Variants in ARHGAP9 observed in about 807,000 individuals in gnomAD.
ARHGAP9 encodes rho GTPase-activating protein 9.
ARHGAP9 carries 76 observed loss-of-function variants against 87.3 expected under a neutral mutation model. The ratio of observed to expected loss-of-function variants is 0.87; its 90% CI spans 0.72 to 1.05. The LOEUF is 1.05. Ranked by LOEUF, ARHGAP9 falls within the 50% of genes least tolerant of loss-of-function variation. The pLI, the probability that ARHGAP9 is intolerant of heterozygous loss-of-function variation, is 0.00. For synonymous variants in ARHGAP9, 382 were observed against 394.9 expected (o/e 0.97, Z 0.39); for missense variants, 941 against 960.5 (o/e 0.98, Z 0.27).
intron 9 of ARHGAP9, 58 bp downstream of exon 9, chr12:57,476,013 A>G: frequency 1.3e-6 from 2 of 1,510,118 alleles, no homozygotes; most frequent in South Asian, 1.3e-5. Context: ...CCTGCGCGGG[A>G]GATTGGGGGC....
intron 2 of ARHGAP9, 44 bp downstream of exon 2, chr12:57,479,047 T>C (rs1039200336): frequency 3.8e-6 from 6 of 1,588,320 alleles, no homozygotes; most frequent in Non-Finnish European, 5.2e-6. Flanking sequence ...AGGAAGGTGA[T>C]GGGAGGTAGG....
At chr12:57,475,957 G>C (rs755942889) in intron 9 of ARHGAP9, 26 bp from the exon 10 acceptor site, 3 of 1,602,676 alleles carry the variant, frequency 1.9e-6, no homozygotes, top group African/African-American at 2.7e-5. Context: ...GGAAACGCTC[G>C]GGTCAACGGG....
At chr12:57,484,642 C>T (rs1875265804), upstream of ARHGAP9, among the ~76,000 whole-genome samples, 1 of 151,982 alleles carries the variant, frequency 6.6e-6, no homozygotes, top group South Asian at 2.1e-4. Context: ...AGACCTACCT[C>T]AGTTTGTTTG....
At position 57,476,328 on chromosome 12, in the gene ARHGAP9, G is replaced by C. The variant is rs375327804; in HGVS notation, c.1116+36C>G. ...ACATTGGCGTGAGGCGGTAGGCAGC[G>C]CCCGCACCCATCCTGCGCCTCTCGC... On this transcript the variant is annotated intron_variant, in intron 8 of 17. Transcript: ENST00000393791. 72 of 1,604,018 alleles carry C rather than the reference G, an allele frequency of 4.5e-5. No individual in the cohort carries two copies. The African/African-American group carries it at 7.5e-4, about 17-fold the overall frequency.
Position 57,475,939 on chromosome 12 carries a change from C to T in ARHGAP9, c.1213-8G>A, listed in dbSNP as rs1212213194. The stretch of plus-strand genomic sequence containing the variant: ...GCCAGGGATCGTGCGGATCTGAGGG[C>T]CAGGCAAGGAAACGCTCGGGTCAAC... On this transcript the variant is annotated splice_region_variant and splice_polypyrimidine_tract_variant and intron_variant, in intron 9 of 17. Coordinates refer to ENST00000393791, the MANE Select transcript of ARHGAP9 (RefSeq NM_032496.4). The T allele has an allele frequency of 2.5e-6, 4 of 1,610,582 alleles. No individual in the cohort carries two copies. In the Admixed American group the frequency reaches 6.7e-5, roughly 27 times the overall value.
chr12:57,482,236 C>T (rs993225990), upstream of ARHGAP9, among the ~76,000 whole-genome samples: 2 of 151,396 alleles, frequency 1.3e-5, no homozygotes, highest in African/African-American at 4.9e-5. Context: ...CCTGCCTCTA[C>T]AAAAAAAATT....
rs202095270 is a variant in ARHGAP9, at chr12:57,474,028, G to T, written c.1918+14C>A. On this transcript the variant is annotated intron_variant, in intron 16 of 17. Transcript: ENST00000393791. ...CCCCACATCAAGGGTTCTTTCCAAAGCTCCAACCCTTACCAAGGGCAGCAC... is the reference window on the plus strand; with the variant it reads ...CCCCACATCAAGGGTTCTTTCCAAATCTCCAACCCTTACCAAGGGCAGCAC... The T allele has an allele frequency of 2.5e-6, 4 of 1,611,786 alleles. No homozygotes were observed. The highest frequency in any genetic ancestry group is 2.5e-6 in the Non-Finnish European group (3 of 1,178,878).
At chr12:57,487,882 C>G (rs1875552895) in intron 1 of ARHGAP9, 4 of 487,648 alleles carry the variant, frequency 8.2e-6, no homozygotes, top group African/African-American at 4.2e-5. Context: ...AAAGTGCAGT[C>G]TAGCCCGCAT....
chr12:57,479,320 G>C lies in ARHGAP9; in HGVS notation c.87C>G (p.Ala29=). ...CCCCAGTATAAGTAAAGGCATAGAG[G>C]GCACAGAGCTGGGATCCCCGAGGAG... The part of the protein sequence containing the change: ...RSPPRGSQLC[A]LYAFTYTGAD... The change falls in exon 2 of 18, where the codon GCC becomes GCG. Residue 29 remains alanine, a synonymous_variant. Coordinates refer to ENST00000393791, the MANE Select transcript of ARHGAP9 (RefSeq NM_032496.4). The C allele has an allele frequency of 6.2e-7, 1 of 1,614,214 alleles. No homozygotes were observed. Among genetic ancestry groups the C allele is most frequent in the Non-Finnish European group, 8.5e-7 (1 of 1,180,040 alleles).
chr12:57,479,029 A>AGGAAGGTAGGAAGGTGAT (rs1874653282), intron 2 of ARHGAP9, 62 bp downstream of exon 2: 1 of 1,558,014 alleles, frequency 6.4e-7, no homozygotes. Flanking sequence ...CCCAGAAGCC[A>AGGAAGGTAGGAAGGTGAT]GGGAGGTAGG....
rs1217053793 is a variant in ARHGAP9, at chr12:57,475,843, A to G, written c.1301T>C (p.Ile434Thr). ...CTCCACCCATCTAACCAGCCGCTCGATGACAGTCCGCAGCGCGCGGTGCCA... is the reference window on the plus strand; with the variant it reads ...CTCCACCCATCTAACCAGCCGCTCGGTGACAGTCCGCAGCGCGCGGTGCCA... ...RAWHRALRTV[I>T]ERLDRENPLE... Residue 434 changes from isoleucine to threonine, a missense_variant, in exon 10 of 18, where the codon ATC becomes ACC. Physicochemically the swap from Ile to Thr is moderately conservative, Grantham distance 89 (BLOSUM62 -1). Coordinates refer to ENST00000393791, the MANE Select transcript of ARHGAP9 (RefSeq NM_032496.4). The G allele has an allele frequency of 1.2e-6, 2 of 1,613,512 alleles. No individual in the cohort carries two copies. Among genetic ancestry groups the G allele is most frequent in the Non-Finnish European group, 1.7e-6 (2 of 1,179,870 alleles).
At position 57,472,295 on chromosome 12, in the gene ARHGAP9, G is replaced by T; in HGVS notation, c.*222C>A. 1 of 619,076 alleles carries T rather than the reference G, an allele frequency of 1.6e-6. No homozygotes were observed. The highest frequency in any genetic ancestry group is 2.7e-6 in the Non-Finnish European group (1 of 366,448). 38.3% of individuals were successfully genotyped at this position (619,076 alleles called of 1,614,324 possible). On this transcript the variant is annotated 3_prime_UTR_variant, in exon 18 of 18. Transcript: ENST00000393791. The stretch of plus-strand genomic sequence containing the variant: ...ACCATGCCACTTTATGTATTATTAT[G>T]TTGGGGAGGAATGATAACAGGGAAC...
intron 1 of ARHGAP9, among the ~76,000 whole-genome samples, chr12:57,486,690 C>T (rs1285445670): frequency 6.7e-6 from 1 of 149,264 alleles, no homozygotes; most frequent in African/African-American, 2.4e-5. Context: ...TCGAGACCAT[C>T]CTGGCTAACA....
At chr12:57,483,632 C>A (rs376408290), upstream of ARHGAP9, among the ~76,000 whole-genome samples, 65 of 152,330 alleles carry the variant, frequency 4.3e-4, no homozygotes, top group African/African-American at 1.5e-3. Context: ...ATCTTAGATT[C>A]TTTGCATATG....
At chr12:57,485,507 G>A (rs1471498850) in intron 1 of ARHGAP9, among the ~76,000 whole-genome samples, 1 of 143,914 alleles carries the variant, frequency 6.9e-6, no homozygotes, top group African/African-American at 2.6e-5. Context: ...AGTGAGCCAA[G>A]ACCACACCAT....
At chr12:57,477,810 A>C (rs1261322606) in intron 3 of ARHGAP9, 130 bp from the exon 4 acceptor site, 69 of 1,526,252 alleles carry the variant, frequency 4.5e-5, no homozygotes, top group Non-Finnish European at 6.0e-5. Flanking sequence ...GAGGTGACCC[A>C]GGGTACTGGG....
intron 9 of ARHGAP9, 44 bp downstream of exon 9, chr12:57,476,027 C>G (rs900256524): frequency 2.7e-6 from 4 of 1,505,422 alleles, no homozygotes; most frequent in Non-Finnish European, 2.7e-6. Context: ...TGGGGGCGCC[C>G]TCGGGTCGGG....
In ARHGAP9 at chr12:57,477,176, G is replaced by C. The variant is rs1874079581; in HGVS notation, c.850C>G (p.Pro284Ala). The C allele has an allele frequency of 1.2e-6, 2 of 1,613,206 alleles. No homozygotes were observed. The highest frequency in any genetic ancestry group is 1.1e-5 in the South Asian group (1 of 90,968). ...AKGFRSDTGT[P>A]EPLDPQGSLS... Reference sequence around the variant, plus strand: ...CTCACCTGTGGGTCAAGCGGTTCTGGGGTCCCTGTGTCAGATCTGAAGCCC... The same window carrying C: ...CTCACCTGTGGGTCAAGCGGTTCTGCGGTCCCTGTGTCAGATCTGAAGCCC... Residue 284 changes from proline (P) to alanine (A), a missense_variant, in exon 5 of 18, where the codon CCA becomes GCA. Pro to Ala is a conservative substitution (Grantham distance 27). Transcript: ENST00000393791.
At chr12:57,475,713 A>G (rs1873367188) in intron 10 of ARHGAP9, 98 bp from the exon 11 acceptor site, 6 of 1,545,750 alleles carry the variant, frequency 3.9e-6, no homozygotes, top group Non-Finnish European at 5.2e-6. Context: ...ATCCCGGCCC[A>G]GGCAAGGGCT....
Sources: gnomAD v4.1 joint callset for allele counts (sites outside exome capture counted in the v4.1 genomes callset) on GRCh38, gnomAD v4.1.1 for gene constraint, MANE v1.5 for transcripts, NCBI Gene and HGNC (gene_info 2026-07-23, HGNC 2026-07-21) for gene names.